Variants in AZI2 observed in about 807,000 individuals in gnomAD.
AZI2 encodes the protein 5-azacytidine-induced protein 2.
AZI2 carries 22 observed loss-of-function variants against 45.8 expected under a neutral mutation model. That is an observed-to-expected ratio of 0.48 (90% CI 0.34 to 0.69). The LOEUF (loss-of-function observed/expected upper bound fraction) is 0.69. Ranked by LOEUF, AZI2 falls within the 30% of genes least tolerant of loss-of-function variation. AZI2 has a pLI of 0.01. For synonymous variants in AZI2, 137 were observed against 156.7 expected, an observed-to-expected ratio of 0.87 and a Z score of 0.94; for missense variants, 417 against 441.5, an observed-to-expected ratio of 0.94 and a Z score of 0.50.
intron 7 of AZI2, among the ~76,000 whole-genome samples, chr3:28,325,646 G>A (rs1477598213): frequency 2.6e-5 from 4 of 151,074 alleles, no homozygotes; most frequent in Non-Finnish European, 5.9e-5. Flanking sequence ...GTCCAAGTAT[G>A]AAAAGAGCAT....
chr3:28,330,096 A>T (rs566596757), intron 6 of AZI2, among the ~76,000 whole-genome samples: 112 of 151,446 alleles, frequency 7.4e-4, no homozygotes, highest in Non-Finnish European at 1.3e-3. Context: ...TGAGCAAAAG[A>T]AGTACAGCGA....
At chr3:28,333,232 A>G (rs757458377) in intron 5 of AZI2, among the ~76,000 whole-genome samples, 1 of 151,786 alleles carries the variant, frequency 6.6e-6, no homozygotes, top group South Asian at 2.1e-4. Context: ...AAAGCAACAC[A>G]AGGACTTCAT....
chr3:28,331,945 G>A (rs1703593560), intron 6 of AZI2: 1 of 1,533,916 alleles, frequency 6.5e-7, no homozygotes, highest in Admixed American at 2.0e-5. Context: ...CTGTGCTACA[G>A]ATACTCTGTC....
intron 6 of AZI2, among the ~76,000 whole-genome samples, chr3:28,327,388 AATGAT>A (rs1389316400): frequency 6.6e-6 from 1 of 151,094 alleles, no homozygotes; most frequent in African/African-American, 2.4e-5. Flanking sequence ...TGTGAATTGA[AATGAT>A]ATATCAACTG....
rs1703208514 is a variant in AZI2 at position 28,322,268 on chromosome 3, A to C, written c.*1774T>G. On this transcript the variant is annotated 3_prime_UTR_variant, in exon 8 of 8. Coordinates refer to ENST00000479665, the MANE Select transcript of AZI2 (RefSeq NM_022461.5). ...TCTCCACTCAAAAGCTGGTTTAACA[A>C]ATGTCTATTGTATGAATCATATTAA... The C allele has an allele frequency of 6.6e-6, 1 of 151,296 alleles. No homozygotes were observed. The highest frequency in any genetic ancestry group is 1.5e-5 in the Non-Finnish European group (1 of 67,464). 9.4% of individuals were successfully genotyped at this position (151,296 alleles called of 1,614,324 possible).
chr3:28,331,485 C>T (rs995165549), intron 6 of AZI2, among the ~76,000 whole-genome samples: 7 of 151,434 alleles, frequency 4.6e-5, no homozygotes, highest in African/African-American at 1.5e-4. Context: ...CTCACAAAGC[C>T]GAATAAAACA....
chr3:28,347,373 G>C (rs1472186921), intron 1 of AZI2, among the ~76,000 whole-genome samples: 1 of 152,142 alleles, frequency 6.6e-6, no homozygotes, highest in African/African-American at 2.4e-5. Flanking sequence ...GTAAATCTAT[G>C]TAATACCTCT....
intron 1 of AZI2, among the ~76,000 whole-genome samples, chr3:28,344,676 A>C (rs1300296983): frequency 6.6e-6 from 1 of 152,094 alleles, no homozygotes; most frequent in African/African-American, 2.4e-5. Context: ...CTATTTGACA[A>C]ACTAGACCAA....
intron 6 of AZI2, among the ~76,000 whole-genome samples, chr3:28,327,880 T>C (rs1381738619): frequency 6.6e-6 from 1 of 150,714 alleles, no homozygotes; most frequent in Non-Finnish European, 1.5e-5. Context: ...ACCCCTTAGA[T>C]ACTAGTGTAA....
chr3:28,333,092 A>C (rs1386265944), intron 5 of AZI2, among the ~76,000 whole-genome samples: 1 of 151,828 alleles, frequency 6.6e-6, no homozygotes, highest in Non-Finnish European at 1.5e-5. Flanking sequence ...ATCTGTAACA[A>C]ATGAAAATGA....
At position 28,325,722 on chromosome 3, in the gene AZI2, G is replaced by A. The variant is rs1198488194; in HGVS notation, c.766+1110C>T. ...AACAAAGCTACATTGAAAACTCAAT[G>A]CAGAATTACTCTGTGAGTCCCTTTA... On this transcript the variant is annotated intron_variant, in intron 7 of 7. Transcript: ENST00000479665. 3.3e-5 allele frequency among the ~76,000 whole-genome samples: 5 copies of A among 151,152 alleles called. No homozygotes were observed. In the East Asian group the frequency reaches 7.8e-4, roughly 24 times the overall value.
intron 6 of AZI2, among the ~76,000 whole-genome samples, chr3:28,331,411 G>A (rs189518063): frequency 1.8e-4 from 27 of 151,500 alleles, no homozygotes; most frequent in African/African-American, 6.0e-4. Context: ...GATAAAATTC[G>A]AAGGCATAAT....
At chr3:28,325,153 A>C (rs1703342108) in intron 7 of AZI2, 1 of 150,502 alleles carries the variant, frequency 6.6e-6, no homozygotes, top group African/African-American at 2.4e-5. Context: ...CAGCCAAAAA[A>C]AAAAAGTTTT....
At chr3:28,342,814 G>C (rs551962729) in intron 1 of AZI2, among the ~76,000 whole-genome samples, 13 of 151,878 alleles carry the variant, frequency 8.6e-5, no homozygotes, top group African/African-American at 2.7e-4. Context: ...ATGCAGCCTG[G>C]TTTAAGGAGA....
Position 28,323,938 on chromosome 3 carries a change from C to A in AZI2, c.*104G>T. On this transcript the variant is annotated 3_prime_UTR_variant, in exon 8 of 8. Coordinates refer to ENST00000479665, the MANE Select transcript of AZI2 (RefSeq NM_022461.5). ...CAAATATAGATACTGAAGACCTCTG[C>A]AAAATTTTAATCAAAATCTCCTTTC... 1 of 1,374,202 alleles carries A rather than the reference C, an allele frequency of 7.3e-7. No individual in the cohort carries two copies. The highest frequency in any genetic ancestry group is 9.9e-7 in the Non-Finnish European group (1 of 1,008,884). The allele number at this position is 1,374,202 out of a possible 1,614,324, so 85.1% of individuals were successfully genotyped here. A position where few individuals can be genotyped will look rare whatever the true frequency, so the allele number is the denominator to read the frequency against.
chr3:28,338,767 T>A (rs758058130), intron 2 of AZI2, 152 bp from the exon 3 acceptor site: 3 of 735,250 alleles, frequency 4.1e-6, no homozygotes, highest in Non-Finnish European at 6.1e-6. Context: ...CACAAATTAA[T>A]CTTTACATAG....
chr3:28,332,264 A>AT (rs1253894089), intron 6 of AZI2, 105 bp downstream of exon 6: 4 of 966,456 alleles, frequency 4.1e-6, no homozygotes, highest in African/African-American at 1.6e-5. Context: ...AACAATATCC[A>AT]TTTTTTGTTT....
chr3:28,341,650 G>A (rs1315445451), intron 1 of AZI2: 1 of 151,822 alleles, frequency 6.6e-6, no homozygotes, highest in East Asian at 1.9e-4. Flanking sequence ...AAGACCTCCT[G>A]GGAAAAACAG....
intron 1 of AZI2, among the ~76,000 whole-genome samples, chr3:28,344,041 A>G (rs558266877): frequency 1.3e-5 from 2 of 152,150 alleles, no homozygotes; most frequent in African/African-American, 4.8e-5. Context: ...ATTATTCTAT[A>G]TATTTATTCT....
Sources: gnomAD v4.1 joint callset for allele counts (sites outside exome capture counted in the v4.1 genomes callset) on GRCh38, gnomAD v4.1.1 for gene constraint, MANE v1.5 for transcripts, NCBI Gene and HGNC (gene_info 2026-07-23, HGNC 2026-07-21) for gene names.